The following EPHA6 variants were observed in gnomAD, a reference collection of about 807,000 sequenced individuals.
The protein encoded by EPHA6 is ephrin type-A receptor 6.
Under a neutral mutation model 112.0 loss-of-function variants are expected in EPHA6, and 50 were observed. The observed-to-expected ratio is 0.45, with a 90% CI of 0.36 to 0.56. The LOEUF (loss-of-function observed/expected upper bound fraction) is 0.56, where lower values mean the gene tolerates loss of function less well. EPHA6 is among the 20% of genes least tolerant of loss of function. EPHA6 has a pLI of 0.00. For synonymous variants in EPHA6, 529 were observed against 490.7 expected (o/e 1.08, Z -1.03); for missense variants, 1,280 against 1,417.4 (o/e 0.90, Z 1.56).
At chr3:97,255,527 T>A (rs2108607591) in intron 5 of EPHA6, among the ~76,000 whole-genome samples, 1 of 152,312 alleles carries the variant, frequency 6.6e-6, no homozygotes, top group South Asian at 2.1e-4. Flanking sequence ...CTGTGCCTTT[T>A]TAAACATTTA....
intron 3 of EPHA6, among the ~76,000 whole-genome samples, chr3:97,178,198 TAAAC>T (rs149102059): frequency 0.056 from 8,496 of 152,122 alleles, 788 homozygotes; most frequent in African/African-American, 0.19. Context: ...ACTATTTGCA[TAAAC>T]AAACAAACAC....
chr3:97,723,353 A>G (rs2107804186), intron 15 of EPHA6, among the ~76,000 whole-genome samples: 1 of 152,300 alleles, frequency 6.6e-6, no homozygotes, highest in Non-Finnish European at 1.5e-5. Context: ...ATCTTGCCCA[A>G]AAGGTTGCCC....
intron 5 of EPHA6, among the ~76,000 whole-genome samples, chr3:97,374,308 C>T (rs1257419111): frequency 6.6e-6 from 1 of 152,054 alleles, no homozygotes; most frequent in Non-Finnish European, 1.5e-5. Flanking sequence ...AACACTCACA[C>T]CCTTTTACCT....
chr3:97,449,853 T>G (rs565197020), intron 7 of EPHA6, among the ~76,000 whole-genome samples: 1 of 152,124 alleles, frequency 6.6e-6, no homozygotes, highest in South Asian at 2.1e-4. Context: ...AGTTTATCAC[T>G]CCCTCAAAAT....
At chr3:97,068,638 G>A (rs1183266225) in intron 3 of EPHA6, among the ~76,000 whole-genome samples, 3 of 151,106 alleles carry the variant, frequency 2.0e-5, no homozygotes, top group Non-Finnish European at 4.4e-5. Flanking sequence ...ACACACACAC[G>A]TTGCAATGGA....
intron 5 of EPHA6, among the ~76,000 whole-genome samples, chr3:97,355,764 C>G (rs1434011751): frequency 5.3e-5 from 8 of 151,842 alleles, no homozygotes; most frequent in Non-Finnish European, 1.2e-4. Context: ...AAAATAAGAC[C>G]CAAGATTATA....
chr3:96,925,623 A>G (rs2039996661), intron 2 of EPHA6, among the ~76,000 whole-genome samples: 1 of 136,412 alleles, frequency 7.3e-6, no homozygotes, highest in Admixed American at 7.6e-5. Flanking sequence ...TTTTTTTCCC[A>G]AGACAGAGTT....
intron 4 of EPHA6, among the ~76,000 whole-genome samples, chr3:97,235,202 T>G (rs1419540240): frequency 3.3e-5 from 5 of 152,168 alleles, no homozygotes; most frequent in African/African-American, 9.6e-5. Context: ...ATTTATATAC[T>G]TGCTTCCTCA....
intron 13 of EPHA6, among the ~76,000 whole-genome samples, chr3:97,619,102 T>G (rs1019078658): frequency 6.6e-6 from 1 of 152,168 alleles, no homozygotes; most frequent in Non-Finnish European, 1.5e-5. Context: ...GGTGCAAGAT[T>G]GGTTCAACAT....
At chr3:97,213,153 C>T (rs977969479) in intron 3 of EPHA6, among the ~76,000 whole-genome samples, 1 of 152,114 alleles carries the variant, frequency 6.6e-6, no homozygotes, top group Non-Finnish European at 1.5e-5. Context: ...CCATGTTCTC[C>T]GGGTAGTTTC....
chr3:97,175,634 AT>A lies in EPHA6; in HGVS notation c.1115-50624del, dbSNP rs201711889. Among the ~76,000 whole-genome samples the A allele has an allele frequency of 4.9e-4, 74 of 151,554 alleles. 5 individuals carry two copies. In the East Asian group the frequency reaches 0.014, roughly 29 times the overall value. On this transcript the variant is annotated intron_variant, in intron 3 of 17. Coordinates refer to ENST00000389672, the MANE Select transcript of EPHA6 (RefSeq NM_001080448.3). Reference sequence around the variant, plus strand: ...TCTTTGGTTAATGCCTATGTATTTAATTTTTTGTGTGGCTATTGTAAATGTA... The same window carrying A: ...TCTTTGGTTAATGCCTATGTATTTAATTTTTGTGTGGCTATTGTAAATGTA...
intron 3 of EPHA6, among the ~76,000 whole-genome samples, chr3:97,050,001 A>G (rs2045633174): frequency 6.6e-6 from 1 of 152,190 alleles, no homozygotes; most frequent in Admixed American, 6.5e-5. Flanking sequence ...AACTTCAAAG[A>G]AAAGAGTGTT....
chr3:96,994,707 G>GTATATATA (rs1340605702), intron 3 of EPHA6, among the ~76,000 whole-genome samples: 127 of 93,206 alleles, frequency 1.4e-3, no homozygotes, highest in Non-Finnish European at 1.8e-3. Flanking sequence ...GTGTGTGTGT[G>GTATATATA]TGTATATATA....
At chr3:97,649,977 C>T (rs891445227) in intron 14 of EPHA6, among the ~76,000 whole-genome samples, 8 of 152,078 alleles carry the variant, frequency 5.3e-5, no homozygotes, top group African/African-American at 1.9e-4. Context: ...GAAAATCTGA[C>T]AGTTTTTATA....
intron 2 of EPHA6, among the ~76,000 whole-genome samples, chr3:96,939,159 T>G (rs551233408): frequency 1.3e-3 from 199 of 152,370 alleles, no homozygotes; most frequent in Non-Finnish European, 2.5e-3. Flanking sequence ...TTCTGTTGAT[T>G]GGAATAGTTT....
At chr3:97,286,201 A>G (rs541743160) in intron 5 of EPHA6, among the ~76,000 whole-genome samples, 28 of 152,162 alleles carry the variant, frequency 1.8e-4, no homozygotes, top group African/African-American at 6.5e-4. Flanking sequence ...GTTTGTCCCT[A>G]TTGATTATTT....
chr3:96,849,162 A>G (rs890671033), intron 1 of EPHA6, among the ~76,000 whole-genome samples: 17 of 152,124 alleles, frequency 1.1e-4, no homozygotes, highest in African/African-American at 4.1e-4. Flanking sequence ...GCCTTTTGTC[A>G]TAAGGTTTGT....
intron 7 of EPHA6, among the ~76,000 whole-genome samples, chr3:97,451,278 C>G (rs190022677): frequency 5.3e-5 from 8 of 152,004 alleles, no homozygotes; most frequent in Admixed American, 5.3e-4. Context: ...CACATATTAC[C>G]TCATTTAATT....
intron 5 of EPHA6, among the ~76,000 whole-genome samples, chr3:97,273,757 G>A (rs373105478): frequency 6.6e-6 from 1 of 152,148 alleles, no homozygotes; most frequent in Non-Finnish European, 1.5e-5. Flanking sequence ...GTCTGCTATC[G>A]GACTGTATAG....
Sources: gnomAD v4.1 joint callset for allele counts (sites outside exome capture counted in the v4.1 genomes callset) on GRCh38, gnomAD v4.1.1 for gene constraint, MANE v1.5 for transcripts, NCBI Gene and HGNC (gene_info 2026-07-23, HGNC 2026-07-21) for gene names.